DMD: variants seen among roughly 807,000 people sequenced by gnomAD.
The protein encoded by DMD is mutant dystrophin.
A neutral mutation model predicts 330.1 loss-of-function variants in DMD; 63 were observed. The ratio of observed to expected loss-of-function variants is 0.19; its 90% confidence interval spans 0.16 to 0.24. The LOEUF is 0.24. DMD is among the 10% of genes least tolerant of loss of function. The pLI is 1.00. For missense variants in DMD, 3,344 were observed against 2,684.1 expected (o/e 1.25, Z -5.43); for synonymous variants, 1,223 against 959.8 (o/e 1.27, Z -5.07).
At chrX:31,693,702 T>C (rs1347354263) in intron 52 of DMD, among the ~76,000 whole-genome samples, 1 of 111,335 alleles carries the variant, frequency 9.0e-6, no homozygotes, top group Non-Finnish European at 1.9e-5. Context: ...GAAAAAATAT[T>C]TGGAGTGAAT....
In DMD at chrX:32,153,219, T is replaced by C. The variant is rs150137412; in HGVS notation, c.6438+63697A>G. On this transcript the variant is annotated intron_variant, in intron 44 of 78. Transcript: ENST00000357033. ...CACAGTATTTTATATTTCTCTTTTT[T>C]TAAGTTTGTACACAGACAATATCTC... Among the ~76,000 whole-genome samples the C allele has an allele frequency of 1.1e-3, 128 of 112,285 alleles. 1 individual carries two copies. The East Asian group carries it at 0.018, about 16-fold the overall frequency.
intron 2 of DMD, 142 bp downstream of exon 2, chrX:33,019,997 A>G (rs1231228906): frequency 4.5e-6 from 2 of 444,466 alleles, no homozygotes; most frequent in African/African-American, 5.0e-5. Flanking sequence ...AAGAGTGAAC[A>G]TAATATTTCC....
intron 7 of DMD, among the ~76,000 whole-genome samples, chrX:32,755,974 G>A (rs1473630690): frequency 1.8e-5 from 2 of 112,302 alleles, no homozygotes; most frequent in Non-Finnish European, 3.8e-5. Flanking sequence ...CAAATATTAA[G>A]GTCTTACTAC....
At chrX:31,653,318 T>C (rs753123168) in intron 54 of DMD, among the ~76,000 whole-genome samples, 150 of 111,656 alleles carry the variant, frequency 1.3e-3, no homozygotes, top group African/African-American at 4.8e-3. Context: ...TGGAAGAAAA[T>C]GTGTTTGTAT....
At chrX:33,206,964 A>T (rs747993353) in intron 1 of DMD, among the ~76,000 whole-genome samples, 4 of 110,285 alleles carry the variant, frequency 3.6e-5, no homozygotes, top group African/African-American at 1.3e-4. Flanking sequence ...TTATTTCATC[A>T]CCCAGGTATC....
chrX:32,576,172 C>G (rs1182453620), intron 13 of DMD, among the ~76,000 whole-genome samples: 1 of 111,630 alleles, frequency 9.0e-6, no homozygotes, highest in Non-Finnish European at 1.9e-5. Context: ...GGATATGCTT[C>G]AAAATCCTCA....
intron 54 of DMD, among the ~76,000 whole-genome samples, chrX:31,643,631 G>C (rs1190374788): frequency 9.0e-6 from 1 of 111,577 alleles, no homozygotes; most frequent in East Asian, 2.8e-4. Flanking sequence ...AATAATATTA[G>C]GTAAATATGG....
intron 2 of DMD, among the ~76,000 whole-genome samples, chrX:32,909,084 T>C (rs544293108): frequency 1.8e-5 from 2 of 108,914 alleles, no homozygotes; most frequent in African/African-American, 6.7e-5. Flanking sequence ...TCTAACTGTT[T>C]TGTTTTTATT....
chrX:31,580,593 T>A (rs1233800894), intron 55 of DMD, among the ~76,000 whole-genome samples: 1 of 112,180 alleles, frequency 8.9e-6, no homozygotes, highest in Non-Finnish European at 1.9e-5. Context: ...TGGACTGATA[T>A]ACTATTATAT....
At chrX:32,253,505 C>T (rs1023704368) in intron 43 of DMD, among the ~76,000 whole-genome samples, 1 of 111,232 alleles carries the variant, frequency 9.0e-6, no homozygotes, top group African/African-American at 3.3e-5. Flanking sequence ...TGGTGACAAT[C>T]GCATTCACTT....
chrX:33,033,439 G>A (rs752064446), intron 1 of DMD, among the ~76,000 whole-genome samples: 17 of 108,177 alleles, frequency 1.6e-4, no homozygotes, highest in East Asian at 5.8e-4. Context: ...GGCCAGGCGC[G>A]GTGGCTCACG....
intron 7 of DMD, among the ~76,000 whole-genome samples, chrX:32,740,635 T>C (rs965092231): frequency 2.7e-5 from 3 of 111,453 alleles, no homozygotes; most frequent in African/African-American, 9.8e-5. Flanking sequence ...AAGCATAAAG[T>C]TTATGACACA....
rs186563452 is a variant in DMD, at chrX:32,521,534, T to G, written c.2169-3403A>C. 7.5e-3 allele frequency among the ~76,000 whole-genome samples: 839 copies of G among 112,399 alleles called. 26 individuals carry two copies. The highest frequency in any genetic ancestry group is 0.056 in the Admixed American group (594 of 10,636). ...TCACCAGAAAACACATCAGTCATCA[T>G]GCCTTGAATTGCAATCTATTTATCA... On this transcript the variant is annotated intron_variant, in intron 17 of 78. Transcript: ENST00000357033.
At chrX:31,348,755 T>C in intron 60 of DMD, 121 bp from the exon 61 acceptor site, 1 of 603,787 alleles carries the variant, frequency 1.7e-6, no homozygotes, top group Non-Finnish European at 2.8e-6. Flanking sequence ...TAAAGCAACA[T>C]TTCATAACTC....
intron 2 of DMD, among the ~76,000 whole-genome samples, chrX:32,852,660 C>T: frequency 9.2e-6 from 1 of 109,277 alleles, no homozygotes; most frequent in South Asian, 4.0e-4. Flanking sequence ...GGAGAACCCA[C>T]TGCACAGAAC....
intron 19 of DMD, among the ~76,000 whole-genome samples, chrX:32,491,793 AACTT>A (rs1233810226): frequency 1.8e-5 from 2 of 111,784 alleles, no homozygotes. Flanking sequence ...ATTAAATAAA[AACTT>A]AAATAAAAAC....
intron 11 of DMD, among the ~76,000 whole-genome samples, chrX:32,632,734 G>T (rs1393746699): frequency 7.9e-5 from 7 of 88,117 alleles, no homozygotes; most frequent in South Asian, 4.5e-4. Context: ...GCTGGGTGCG[G>T]GGGGGAGGGG....
chrX:33,006,901 C>T (rs1047461267), intron 2 of DMD, among the ~76,000 whole-genome samples: 8 of 110,911 alleles, frequency 7.2e-5, no homozygotes, highest in Admixed American at 4.8e-4. Context: ...CTTCCTTTTG[C>T]TCAAGCTAAA....
At chrX:31,179,563 A>T (rs1051764788) in intron 69 of DMD, among the ~76,000 whole-genome samples, 11 of 112,119 alleles carry the variant, frequency 9.8e-5, no homozygotes, top group African/African-American at 3.2e-4. Flanking sequence ...AAGAGAAGAG[A>T]AACACGAAGG....
Sources: allele counts gnomAD v4.1 joint callset (sites outside exome capture counted in the v4.1 genomes callset), GRCh38; gene constraint gnomAD v4.1.1; transcripts MANE v1.5; gene names NCBI Gene and HGNC (gene_info 2026-07-23, HGNC 2026-07-21).